The following PCDHA8 variants were observed in gnomAD, a reference collection of about 807,000 sequenced individuals.
PCDHA8 encodes the protein protocadherin alpha-8.
A neutral mutation model predicts 61.8 loss-of-function variants in PCDHA8; 53 were observed. The ratio of observed to expected loss-of-function variants is 0.86; its 90% CI spans 0.69 to 1.08. The LOEUF is 1.08. PCDHA8 is among the 50% of genes least tolerant of loss of function. The pLI, the probability that PCDHA8 is intolerant of heterozygous loss-of-function variation, is 0.00. For missense variants in PCDHA8, 1,293 were observed against 1,245.0 expected (o/e 1.04, Z -0.58); for synonymous variants, 618 against 556.6 (o/e 1.11, Z -1.55).
Position 140,968,830 on chromosome 5 carries a change from C to T in PCDHA8, c.2395-10119C>T, listed in dbSNP as rs782771762. On this transcript the variant is annotated intron_variant, in intron 1 of 3. Coordinates refer to ENST00000531613, the MANE Select transcript of PCDHA8 (RefSeq NM_018911.3). The stretch of plus-strand genomic sequence containing the variant: ...TGGTGGATAGGGTTTCCAAAATCCT[C>T]CCTGACACTCAGAGGCATGTTAAGA... 48 of 1,614,080 alleles carry T rather than the reference C, an allele frequency of 3.0e-5. No homozygotes were observed. The Admixed American group carries it at 8.0e-4, about 27-fold the overall frequency.
At position 140,842,977 on chromosome 5, in the gene PCDHA8, G is replaced by T. The variant is rs2150349031; in HGVS notation, c.1656G>T (p.Gln552His). The T allele has an allele frequency of 1.3e-6, 2 of 1,595,034 alleles. No homozygotes were observed. Among genetic ancestry groups the T allele is most frequent in the Middle Eastern group, 1.7e-4 (1 of 5,802 alleles). Residue 552 changes from glutamine (Q) to histidine (H), a missense_variant, in exon 1 of 4, where the codon CAG (glutamine) becomes CAT (histidine). Coordinates refer to ENST00000531613, the MANE Select transcript of PCDHA8 (RefSeq NM_018911.3). Reference sequence around the variant, plus strand: ...CTCTGGGCAGCAACGTGACGCTGCAGGTGTTCGTGCTGGACGAGAATGACA... The same window carrying T: ...CTCTGGGCAGCAACGTGACGCTGCATGTGTTCGTGCTGGACGAGAATGACA... Reference protein sequence around the residue: ...VPPLGSNVTLQVFVLDENDNA... With the variant: ...VPPLGSNVTLHVFVLDENDNA...
rs1329962165 is a variant in PCDHA8, at chr5:140,842,935, C to G, written c.1614C>G (p.Arg538=). Residue 538 remains arginine (R), a synonymous_variant, in exon 1 of 4, where the codon CGC becomes CGG. Transcript: ENST00000531613. ...LELLQFQVSA[R]DAGVPPLGSN... is the part of the protein sequence containing the mutation. ...TGCTGCAGTTCCAGGTGAGCGCGCG[C>G]GACGCGGGCGTGCCGCCTCTGGGCA... is the stretch of plus-strand genomic sequence containing the variant. 1.3e-6 allele frequency: 2 copies of G among 1,594,326 alleles called. No individual in the cohort carries two copies. Among genetic ancestry groups the G allele is most frequent in the African/African-American group, 1.3e-5 (1 of 74,352 alleles).
At position 140,850,706 on chromosome 5, in the gene PCDHA8, G is replaced by A. The variant is rs2150495171; in HGVS notation, c.2394+6991G>A. ...AGGGCGAGTGCGCGCCTGGCAAGCC[G>A]ACGCTGGTGTGTTCTAGCGCGGTGG... is the stretch of plus-strand genomic sequence containing the variant. On this transcript the variant is annotated intron_variant, in intron 1 of 3. Coordinates refer to ENST00000531613, the MANE Select transcript of PCDHA8 (RefSeq NM_018911.3). 7 of 1,598,146 alleles carry A rather than the reference G, an allele frequency of 4.4e-6. No individual in the cohort carries two copies. In the East Asian group the frequency reaches 1.3e-4, roughly 31 times the overall value.
intron 1 of PCDHA8, among the ~76,000 whole-genome samples, chr5:140,902,203 C>CTTTTT (rs148688132): frequency 5.6e-5 from 7 of 124,458 alleles, no homozygotes; most frequent in South Asian, 2.5e-4. Context: ...CTCTCTCTTT[C>CTTTTT]TTTTTTTTTT....
intron 3 of PCDHA8, among the ~76,000 whole-genome samples, chr5:141,002,467 G>A (rs1266754067): frequency 6.6e-6 from 1 of 152,202 alleles, no homozygotes; most frequent in African/African-American, 2.4e-5. Context: ...TAACGCTTTA[G>A]CATTTTCAAA....
At chr5:140,951,741 C>A (rs1490111006) in intron 1 of PCDHA8, among the ~76,000 whole-genome samples, 3 of 152,062 alleles carry the variant, frequency 2.0e-5, no homozygotes, top group Non-Finnish European at 4.4e-5. Flanking sequence ...CTGCCACTGC[C>A]CTCACCCTCC....
Position 141,009,608 on chromosome 5 carries a change from G to A in PCDHA8, c.2543-19G>A, listed in dbSNP as rs1350951999. ...CATGTGTTGACCCTGTTAATGATTTGTAATGTTTTGTCTTTCAGAACCAGA... is the reference window on the plus strand; with the variant it reads ...CATGTGTTGACCCTGTTAATGATTTATAATGTTTTGTCTTTCAGAACCAGA... On this transcript the variant is annotated intron_variant, in intron 3 of 3. Coordinates refer to ENST00000531613, the MANE Select transcript of PCDHA8 (RefSeq NM_018911.3). The A allele has an allele frequency of 2.5e-6, 4 of 1,610,656 alleles. No individual in the cohort carries two copies. The highest frequency in any genetic ancestry group is 3.4e-6 in the Non-Finnish European group (4 of 1,177,936).
chr5:140,870,572 C>T (rs782477275), intron 1 of PCDHA8: 1 of 1,613,946 alleles, frequency 6.2e-7, no homozygotes, highest in Non-Finnish European at 8.5e-7. Context: ...GCGCTGGTGT[C>T]CTACTCGCTG....
chr5:140,987,563 T>C (rs2097259374), intron 3 of PCDHA8, among the ~76,000 whole-genome samples: 1 of 152,226 alleles, frequency 6.6e-6, no homozygotes, highest in Non-Finnish European at 1.5e-5. Context: ...ATTCTCAGTT[T>C]CTTTCTCTAT....
intron 1 of PCDHA8, among the ~76,000 whole-genome samples, chr5:140,947,550 G>A (rs967081376): frequency 7.3e-5 from 11 of 151,402 alleles, no homozygotes; most frequent in Admixed American, 3.9e-4. Flanking sequence ...AAAGAATTCC[G>A]CTGGGATTTA....
intron 1 of PCDHA8, chr5:140,883,301 G>C (rs1380648584): frequency 1.2e-6 from 2 of 1,613,968 alleles, no homozygotes; most frequent in African/African-American, 1.3e-5. Flanking sequence ...AGATGTAAAT[G>C]ATAACGCCCC....
intron 1 of PCDHA8, chr5:140,862,315 C>G (rs1554156143): frequency 3.2e-6 from 1 of 317,246 alleles, no homozygotes; most frequent in African/African-American, 2.2e-5. Context: ...CCGTCATAGC[C>G]CTAATCAGTG....
At chr5:140,924,725 C>G (rs1015635507) in intron 1 of PCDHA8, among the ~76,000 whole-genome samples, 1 of 151,698 alleles carries the variant, frequency 6.6e-6, no homozygotes, top group East Asian at 1.9e-4. Context: ...CGAAACCTCA[C>G]CTCTAATAAA....
In PCDHA8 at chr5:140,841,863, A is replaced by T. The variant is rs1288637378; in HGVS notation, c.542A>T (p.Asp181Val). Residue 181 changes from aspartate (D) to valine (V), a missense_variant, in exon 1 of 4, where the codon GAT (aspartate) becomes GTT (valine). By Grantham distance (152) the Asp-to-Val change is radical. Transcript: ENST00000531613. ...AGCTCTCATGATTACTTCATGCTAGATGTGAATTCAAAGAACGATGAGAAT... is the reference window on the plus strand; with the variant it reads ...AGCTCTCATGATTACTTCATGCTAGTTGTGAATTCAAAGAACGATGAGAAT... ...RLSSHDYFML[D>V]VNSKNDENKL... is the part of the protein sequence containing the mutation. The T allele has an allele frequency of 9.9e-6, 16 of 1,613,706 alleles. No individual in the cohort carries two copies. In the Admixed American group the frequency reaches 2.7e-4, roughly 27 times the overall value.
Position 140,858,234 on chromosome 5 carries a change from C to T in PCDHA8, c.2394+14519C>T, listed in dbSNP as rs782153266. 3 of 1,596,216 alleles carry T rather than the reference C, an allele frequency of 1.9e-6. No homozygotes were observed. The highest frequency in any genetic ancestry group is 3.4e-5 in the Admixed American group (2 of 59,220). ...TGCTCGGCGGCGCCCACCGAGGGCGCATGTGGGCCGGTGAAGCCCACGCTG... is the reference window on the plus strand; with the variant it reads ...TGCTCGGCGGCGCCCACCGAGGGCGTATGTGGGCCGGTGAAGCCCACGCTG... On this transcript the variant is annotated intron_variant, in intron 1 of 3. Coordinates refer to ENST00000531613, the MANE Select transcript of PCDHA8 (RefSeq NM_018911.3).
rs1580998752 is a variant in PCDHA8 at position 140,842,398 on chromosome 5, A to G, written c.1077A>G (p.Val359=). 3.1e-6 allele frequency: 5 copies of G among 1,611,514 alleles called. No individual in the cohort carries two copies. The African/African-American group carries it at 6.7e-5, about 22-fold the overall frequency. The change falls in exon 1 of 4, where the codon GTA becomes GTG. Residue 359 remains valine (V), a synonymous_variant. Coordinates refer to ENST00000531613, the MANE Select transcript of PCDHA8 (RefSeq NM_018911.3). ...CACTGACTTCCTTATCCTTGCCTGTACGTGAAGACGCTCAATTTGGTACTG... is the reference window on the plus strand; with the variant it reads ...CACTGACTTCCTTATCCTTGCCTGTGCGTGAAGACGCTCAATTTGGTACTG... ...EIALTSLSLP[V]REDAQFGTVI...
chr5:140,871,506 A>G, intron 1 of PCDHA8: 11 of 1,580,864 alleles, frequency 7.0e-6, no homozygotes, highest in Non-Finnish European at 8.6e-6. Flanking sequence ...TGAGTTTTCT[A>G]CAGATTCCAC....
chr5:140,856,398 A>G, intron 1 of PCDHA8: 1 of 1,598,482 alleles, frequency 6.3e-7, no homozygotes, highest in Non-Finnish European at 8.6e-7. Flanking sequence ...CAGGTTTTCC[A>G]TGTGGACGTG....
At chr5:140,882,824 C>G in intron 1 of PCDHA8, 6 of 1,614,206 alleles carry the variant, frequency 3.7e-6, no homozygotes, top group Non-Finnish European at 5.1e-6. Flanking sequence ...ACAAAACAGT[C>G]TTGAGCAAAT....
Sources: gnomAD v4.1 joint callset for allele counts (sites outside exome capture counted in the v4.1 genomes callset) on GRCh38, gnomAD v4.1.1 for gene constraint, MANE v1.5 for transcripts, NCBI Gene and HGNC (gene_info 2026-07-23, HGNC 2026-07-21) for gene names.